The following SCGB2B2 variants were observed in gnomAD, a reference collection of about 807,000 sequenced individuals.
The protein encoded by SCGB2B2 is secretoglobin family 2B member 2.
Under a neutral mutation model 7.6 loss-of-function variants are expected in SCGB2B2, and 11 were observed. The ratio of observed to expected loss-of-function variants is 1.45; its 90% confidence interval spans 0.91 to 2.40. The LOEUF (loss-of-function observed/expected upper bound fraction) is 2.40, where lower values mean the gene tolerates loss of function less well. Among genes scored for constraint, SCGB2B2 ranks in the 30% most tolerant of loss-of-function variants. The pLI, the probability that SCGB2B2 is intolerant of heterozygous loss-of-function variation, is 0.00. For synonymous variants in SCGB2B2, 50 were observed against 48.6 expected (o/e 1.03, Z -0.12); for missense variants, 104 against 115.4 (o/e 0.90, Z 0.45).
At chr19:34,648,896 TTTTA>T (rs200415254) in intron 1 of SCGB2B2, among the ~76,000 whole-genome samples, 111 of 151,976 alleles carry the variant, frequency 7.3e-4, no homozygotes, top group African/African-American at 2.6e-3. Context: ...TTATGATTTA[TTTTA>T]TTTATTTATT....
chr19:34,617,888 C>T lies in SCGB2B2; in HGVS notation c.-2031-21294G>A, dbSNP rs149075309. ...GCGCAGTATTCGGGTGGGAGTGACC[C>T]GATTTTCCAGGTGCCGTCTGTCACC... On this transcript the variant is annotated intron_variant, in intron 1 of 3. Coordinates refer to ENST00000601241, the MANE Select transcript of SCGB2B2 (RefSeq NM_001025591.4). Among the ~76,000 whole-genome samples the T allele has an allele frequency of 9.4e-3, 1,435 of 152,242 alleles. 8 individuals carry two copies. The highest frequency in any genetic ancestry group is 0.011 in the Non-Finnish European group (765 of 68,008).
chr19:34,646,405 C>T (rs1279942809), intron 1 of SCGB2B2: 1 of 153,292 alleles, frequency 6.5e-6, no homozygotes, highest in Admixed American at 6.5e-5. Context: ...AACAGCAACA[C>T]ACACACTCCA....
chr19:34,594,685 G>T lies in SCGB2B2; in HGVS notation c.-122C>A, dbSNP rs908416909. The stretch of plus-strand genomic sequence containing the variant: ...TGTGTGTGTGTGTGTGTGTGTGTGT[G>T]TGTGTGTGTGTGTGTGTGAATGTGG... On this transcript the variant is annotated 5_prime_UTR_variant, in exon 2 of 4. Transcript: ENST00000601241. 1 of 756,282 alleles carries T rather than the reference G, an allele frequency of 1.3e-6. No individual in the cohort carries two copies. Among genetic ancestry groups the T allele is most frequent in the Non-Finnish European group, 2.3e-6 (1 of 435,482 alleles). The allele number at this position is 756,282 out of a possible 1,614,324, so 46.8% of individuals were successfully genotyped here.
intron 1 of SCGB2B2, among the ~76,000 whole-genome samples, chr19:34,641,913 A>C (rs1310483922): frequency 2.0e-5 from 3 of 152,192 alleles, no homozygotes; most frequent in Non-Finnish European, 4.4e-5. Flanking sequence ...GTACACATTA[A>C]ATAAATTTGA....
chr19:34,608,685 A>ATATATATATATATATATATATATAT (rs1489127995), intron 1 of SCGB2B2: 9 of 131,450 alleles, frequency 6.8e-5, no homozygotes, highest in East Asian at 2.1e-4. Flanking sequence ...ATATATATAT[A>ATATATATATATATATATATATATAT]CCGTATTTTC....
chr19:34,587,779 C>A (rs562547247), downstream of SCGB2B2, among the ~76,000 whole-genome samples: 173 of 152,248 alleles, frequency 1.1e-3, 1 homozygote, highest in African/African-American at 3.9e-3. Flanking sequence ...CTGCACCTAT[C>A]GAGATGTTCA....
At position 34,656,917 on chromosome 19, in the gene SCGB2B2, C is replaced by G. The variant is rs568557287; in HGVS notation, c.-2032+18713G>C. 7.1e-4 allele frequency among the ~76,000 whole-genome samples: 108 copies of G among 151,180 alleles called. 5 individuals are homozygous for G. The highest frequency in any genetic ancestry group is 2.5e-3 in the African/African-American group (102 of 40,560). ...ACTAAACAAAAATGCCTACTTTCAC[C>G]ATTGCTATCTAACATTGTACTAGAG... On this transcript the variant is annotated intron_variant, in intron 1 of 3. Transcript: ENST00000601241.
At chr19:34,605,764 G>C (rs2065758580) in intron 1 of SCGB2B2, among the ~76,000 whole-genome samples, 1 of 151,546 alleles carries the variant, frequency 6.6e-6, no homozygotes, top group Admixed American at 6.6e-5. Context: ...ATTTTTTTTT[G>C]TATTTTTTTA....
rs2066172612 is a variant in SCGB2B2, at chr19:34,619,170, G to A, written c.-2031-22576C>T. Among the ~76,000 whole-genome samples the A allele has an allele frequency of 2.0e-5, 3 of 152,094 alleles. No homozygotes were observed. In the South Asian group the frequency reaches 6.2e-4, roughly 32 times the overall value. On this transcript the variant is annotated intron_variant, in intron 1 of 3. Coordinates refer to ENST00000601241, the MANE Select transcript of SCGB2B2 (RefSeq NM_001025591.4). ...CTTATATTTAGGACAATTAATTACAGCTCTTTTACACCACACACGTAACAC... is the reference window on the plus strand; with the variant it reads ...CTTATATTTAGGACAATTAATTACAACTCTTTTACACCACACACGTAACAC...
chr19:34,587,660 G>C (rs1282541441), downstream of SCGB2B2, among the ~76,000 whole-genome samples: 5 of 152,166 alleles, frequency 3.3e-5, no homozygotes, highest in East Asian at 9.6e-4. Flanking sequence ...ATGTGAATAG[G>C]CTGTGGGCTT....
intron 1 of SCGB2B2, among the ~76,000 whole-genome samples, chr19:34,639,612 A>T (rs1297726727): frequency 6.6e-6 from 1 of 152,166 alleles, no homozygotes; most frequent in Non-Finnish European, 1.5e-5. Flanking sequence ...GAATTTTCCC[A>T]CTGAACTTTG....
intron 1 of SCGB2B2, among the ~76,000 whole-genome samples, chr19:34,665,602 G>A (rs1035446938): frequency 9.3e-5 from 12 of 128,526 alleles, no homozygotes; most frequent in African/African-American, 3.1e-4. Flanking sequence ...TGTGGTGGGT[G>A]GGATGGATGT....
At chr19:34,615,943 G>GT (rs1354957248) in intron 1 of SCGB2B2, among the ~76,000 whole-genome samples, 11 of 150,572 alleles carry the variant, frequency 7.3e-5, no homozygotes, top group African/African-American at 2.4e-4. Flanking sequence ...GTGGTGTTTG[G>GT]TTTTTTGTTC....
At chr19:34,599,789 T>C (rs1270258) in intron 1 of SCGB2B2, among the ~76,000 whole-genome samples, 150,107 of 152,072 alleles carry the variant, frequency 0.99, 74,086 homozygotes, top group Admixed American at 0.99. Flanking sequence ...CCTGCCTCTC[T>C]TCTTCCTTCT....
rs186148288 is a variant in SCGB2B2 at position 34,669,844 on chromosome 19, C to T, written c.-2032+5786G>A. 5.5e-4 allele frequency among the ~76,000 whole-genome samples: 83 copies of T among 152,290 alleles called. 1 individual carries two copies. The highest frequency in any genetic ancestry group is 9.2e-4 in the Admixed American group (14 of 15,300). Reference sequence around the variant, plus strand: ...ATTATTATTTACATTTCCCGGGGCACACCATGCCACACAGGGCCACATGGA... The same window carrying T: ...ATTATTATTTACATTTCCCGGGGCATACCATGCCACACAGGGCCACATGGA... On this transcript the variant is annotated intron_variant, in intron 1 of 3. Transcript: ENST00000601241.
chr19:34,627,334 A>G (rs535366427), intron 1 of SCGB2B2, among the ~76,000 whole-genome samples: 252 of 152,336 alleles, frequency 1.7e-3, no homozygotes, highest in African/African-American at 5.6e-3. Flanking sequence ...AAGAGTCAAG[A>G]CCCATCATTG....
intron 1 of SCGB2B2, among the ~76,000 whole-genome samples, chr19:34,638,837 A>G (rs1432049863): frequency 6.6e-6 from 1 of 152,222 alleles, no homozygotes; most frequent in African/African-American, 2.4e-5. Flanking sequence ...AAATGATATC[A>G]GAGGAAGATT....
chr19:34,592,145 C>A lies in SCGB2B2; in HGVS notation c.*1410G>T, dbSNP rs979726094. On this transcript the variant is annotated 3_prime_UTR_variant, in exon 4 of 4. Transcript: ENST00000601241. ...GAAACGTGTGACCTGGAGGAGATGA[C>A]GGCTGAGGGATGACAAGGAGAATGG... Among the ~76,000 whole-genome samples, 2 of 151,972 alleles carry A rather than the reference C, an allele frequency of 1.3e-5. No individual in the cohort carries two copies. The highest frequency in any genetic ancestry group is 3.4e-3 in the Middle Eastern group (1 of 294).
intron 1 of SCGB2B2, among the ~76,000 whole-genome samples, chr19:34,668,109 T>G (rs944264882): frequency 4.6e-5 from 7 of 152,240 alleles, no homozygotes; most frequent in Non-Finnish European, 7.4e-5. Flanking sequence ...AAGGGGCCCT[T>G]CAGCCCAGCG....
Sources: allele counts gnomAD v4.1 joint callset (sites outside exome capture counted in the v4.1 genomes callset), GRCh38; gene constraint gnomAD v4.1.1; transcripts MANE v1.5; gene names NCBI Gene and HGNC (gene_info 2026-07-23, HGNC 2026-07-21).